CHRM3: variants seen among roughly 807,000 people sequenced by gnomAD.
The protein encoded by CHRM3 is cholinergic receptor muscarinic 3, also known as muscarinic acetylcholine receptor M3.
CHRM3 carries 11 observed loss-of-function variants against 41.8 expected under a neutral mutation model. The ratio of observed to expected loss-of-function variants is 0.26; its 90% CI spans 0.17 to 0.44. CHRM3 has a LOEUF of 0.44. Ranked by LOEUF, CHRM3 falls within the 20% of genes least tolerant of loss-of-function variation. CHRM3 has a pLI of 1.00. For synonymous variants in CHRM3, 297 were observed against 301.4 expected (o/e 0.99, Z 0.15); for missense variants, 571 against 745.4 (o/e 0.77, Z 2.72).
chr1:239,567,743 T>C (rs1041574418), intron 3 of CHRM3, among the ~76,000 whole-genome samples: 11 of 152,186 alleles, frequency 7.2e-5, no homozygotes, highest in African/African-American at 2.4e-4. Flanking sequence ...GCCTTCTGGC[T>C]GTTTCCTTTG....
intron 1 of CHRM3, among the ~76,000 whole-genome samples, chr1:239,467,978 G>A (rs1050892114): frequency 6.6e-6 from 1 of 151,950 alleles, no homozygotes; most frequent in Non-Finnish European, 1.5e-5. Flanking sequence ...GGGTGTTAAA[G>A]AGCTCTGAGT....
intron 6 of CHRM3, among the ~76,000 whole-genome samples, chr1:239,874,732 C>A (rs891487143): frequency 1.6e-4 from 24 of 150,852 alleles, no homozygotes; most frequent in Admixed American, 9.3e-4. Flanking sequence ...GAGACTTGCT[C>A]TTGTTGCCCA....
chr1:239,470,448 C>A (rs1474272889), intron 1 of CHRM3, among the ~76,000 whole-genome samples: 3 of 152,134 alleles, frequency 2.0e-5, no homozygotes, highest in Non-Finnish European at 4.4e-5. Context: ...TCACACCCCC[C>A]CACTCTTTTA....
At chr1:239,574,559 T>C (rs1662150902) in intron 3 of CHRM3, among the ~76,000 whole-genome samples, 1 of 152,134 alleles carries the variant, frequency 6.6e-6, no homozygotes, top group Admixed American at 6.6e-5. Flanking sequence ...CCTGTCCTCC[T>C]TCCTTCCTCC....
chr1:239,475,361 C>T (rs1340234302), intron 1 of CHRM3, among the ~76,000 whole-genome samples: 1 of 152,078 alleles, frequency 6.6e-6, no homozygotes, highest in Non-Finnish European at 1.5e-5. Context: ...ATGAAGAGGA[C>T]ATTTTACCTA....
At chr1:239,892,584 C>T (rs1171424469) in intron 6 of CHRM3, among the ~76,000 whole-genome samples, 1 of 152,056 alleles carries the variant, frequency 6.6e-6, no homozygotes. Flanking sequence ...ATGACTAGCT[C>T]CTTTGACACT....
Position 239,499,907 on chromosome 1 carries a change from TAC to T in CHRM3, c.-422+7102_-422+7103del, listed in dbSNP as rs146221802. On this transcript the variant is annotated intron_variant, in intron 2 of 6. Transcript: ENST00000676153. Reference sequence around the variant, plus strand: ...CTAATCATCATATAGGAAGGAAAGATACAGTCTTTTTCAGACAAACCAGTGCT... The same window carrying T: ...CTAATCATCATATAGGAAGGAAAGATAGTCTTTTTCAGACAAACCAGTGCT... Among the ~76,000 whole-genome samples the T allele has an allele frequency of 9.7e-3, 1,476 of 152,296 alleles. 13 individuals are homozygous for T. Among genetic ancestry groups the T allele is most frequent in the African/African-American group, 0.034 (1,402 of 41,566 alleles).
At chr1:239,623,426 T>C (rs1157564282) in intron 3 of CHRM3, among the ~76,000 whole-genome samples, 1 of 151,288 alleles carries the variant, frequency 6.6e-6, no homozygotes, top group Non-Finnish European at 1.5e-5. Context: ...TCCATGTCCC[T>C]ACAAAGGACA....
At chr1:239,786,461 G>T (rs920965324) in intron 5 of CHRM3, among the ~76,000 whole-genome samples, 1 of 152,186 alleles carries the variant, frequency 6.6e-6, no homozygotes, top group Non-Finnish European at 1.5e-5. Flanking sequence ...AGCTGAGACC[G>T]AGAGAGGGTA....
intron 5 of CHRM3, among the ~76,000 whole-genome samples, chr1:239,820,159 G>GA (rs35204831): frequency 2.0e-5 from 3 of 152,110 alleles, no homozygotes; most frequent in South Asian, 2.1e-4. Flanking sequence ...ACATTAATGG[G>GA]AAAAAAGTCT....
chr1:239,460,509 G>A (rs1005535185), intron 1 of CHRM3, among the ~76,000 whole-genome samples: 5 of 151,532 alleles, frequency 3.3e-5, no homozygotes, highest in Admixed American at 3.3e-4. Flanking sequence ...CTTTATTATT[G>A]CTTTGAGCAA....
intron 4 of CHRM3, among the ~76,000 whole-genome samples, chr1:239,639,099 C>T (rs1189378148): frequency 6.6e-6 from 1 of 151,716 alleles, no homozygotes; most frequent in Non-Finnish European, 1.5e-5. Flanking sequence ...TTTCTGAGGG[C>T]TCTGTTCTGT....
intron 2 of CHRM3, among the ~76,000 whole-genome samples, chr1:239,524,449 G>A (rs924046775): frequency 1.1e-4 from 17 of 151,148 alleles, no homozygotes; most frequent in Admixed American, 4.0e-4. Context: ...TTGGAAATAC[G>A]GACAAAGCAT....
At chr1:239,403,814 A>G (rs1660182513) in intron 1 of CHRM3, among the ~76,000 whole-genome samples, 1 of 151,864 alleles carries the variant, frequency 6.6e-6, no homozygotes, top group Non-Finnish European at 1.5e-5. Context: ...AACCTTGGGG[A>G]TTGAAAGCAG....
At chr1:239,745,352 G>A (rs1156298025) in intron 5 of CHRM3, among the ~76,000 whole-genome samples, 2 of 151,994 alleles carry the variant, frequency 1.3e-5, no homozygotes, top group African/African-American at 2.4e-5. Context: ...ACAGGTAGAC[G>A]TGTACCTACC....
intron 5 of CHRM3, among the ~76,000 whole-genome samples, chr1:239,755,974 T>C (rs756055386): frequency 2.0e-5 from 3 of 152,194 alleles, no homozygotes; most frequent in Non-Finnish European, 2.9e-5. Flanking sequence ...TAAAACTATA[T>C]AGATGAGGCA....
rs540551185 is a variant in CHRM3, at chr1:239,665,970, A to G, written c.-249-12216A>G. On this transcript the variant is annotated intron_variant, in intron 4 of 6. Transcript: ENST00000676153. Reference sequence around the variant, plus strand: ...CTTTGCTATTGTAAATAGTGCTGCAATAAACATACATGTGCATGTGTCTTT... The same window carrying G: ...CTTTGCTATTGTAAATAGTGCTGCAGTAAACATACATGTGCATGTGTCTTT... 2.6e-3 allele frequency among the ~76,000 whole-genome samples: 396 copies of G among 152,300 alleles called. 1 individual carries two copies. The highest frequency in any genetic ancestry group is 9.1e-3 in the African/African-American group (377 of 41,562).
At chr1:239,663,740 C>T (rs761311380) in intron 4 of CHRM3, among the ~76,000 whole-genome samples, 1 of 152,106 alleles carries the variant, frequency 6.6e-6, no homozygotes. Context: ...TTGTAGAATG[C>T]GCTTACCATT....
intron 3 of CHRM3, among the ~76,000 whole-genome samples, chr1:239,600,695 C>T (rs114127855): frequency 0.027 from 4,030 of 151,556 alleles, 185 homozygotes; most frequent in African/African-American, 0.093. Context: ...CTTTCTTCTC[C>T]CTTTCCTCCC....
Sources: gnomAD v4.1 joint callset for allele counts (sites outside exome capture counted in the v4.1 genomes callset) on GRCh38, gnomAD v4.1.1 for gene constraint, MANE v1.5 for transcripts, NCBI Gene and HGNC (gene_info 2026-07-23, HGNC 2026-07-21) for gene names.